Variants in TENM3 observed in about 807,000 individuals in gnomAD.
TENM3 encodes the protein teneurin transmembrane protein 3.
Under a neutral mutation model 255.1 loss-of-function variants are expected in TENM3, and 63 were observed. The observed-to-expected ratio is 0.25, with a 90% CI of 0.20 to 0.30. The LOEUF (loss-of-function observed/expected upper bound fraction) is 0.30, where lower values mean the gene tolerates loss of function less well. Ranked by LOEUF, TENM3 falls within the 10% of genes least tolerant of loss-of-function variation. The pLI is 1.00. For synonymous variants in TENM3, 1,306 were observed against 1,322.3 expected (o/e 0.99, Z 0.27); for missense variants, 2,929 against 3,461.1 (o/e 0.85, Z 3.86).
intron 3 of TENM3, among the ~76,000 whole-genome samples, chr4:182,422,239 G>A (rs1770890483): frequency 6.6e-6 from 1 of 152,076 alleles, no homozygotes; most frequent in Non-Finnish European, 1.5e-5. Context: ...GTAGACTGTA[G>A]TGTTAGAAGT....
the TENM3 span, among the ~76,000 whole-genome samples, chr4:181,795,261 C>T: frequency 6.6e-5 from 10 of 151,778 alleles, no homozygotes; most frequent in African/African-American, 2.4e-4. Context: ...AGCCCAGCAT[C>T]AAGGTGCTGG....
chr4:181,527,516 A>G, the TENM3 span, among the ~76,000 whole-genome samples: 1 of 152,010 alleles, frequency 6.6e-6, no homozygotes, highest in Non-Finnish European at 1.5e-5. Flanking sequence ...TTACAGGCAC[A>G]AGCCACCACG....
intron 2 of TENM3, among the ~76,000 whole-genome samples, chr4:182,332,708 G>GAA (rs112751092): frequency 2.0e-5 from 2 of 100,178 alleles, no homozygotes; most frequent in Non-Finnish European, 2.2e-5. Context: ...AAAGAAAAAA[G>GAA]AAAAAAAAAA....
intron 1 of TENM3, among the ~76,000 whole-genome samples, chr4:182,307,625 A>T (rs1762211874): frequency 6.6e-6 from 1 of 152,244 alleles, no homozygotes; most frequent in Admixed American, 6.5e-5. Context: ...TGAGCTGAAC[A>T]GCAAATTGAA....
At chr4:181,696,507 C>T in the TENM3 span, among the ~76,000 whole-genome samples, 1 of 152,182 alleles carries the variant, frequency 6.6e-6, no homozygotes, top group African/African-American at 2.4e-5. Context: ...TTTAATAGCA[C>T]CGCAGATTTA....
At chr4:181,766,049 C>T in the TENM3 span, among the ~76,000 whole-genome samples, 1 of 152,064 alleles carries the variant, frequency 6.6e-6, no homozygotes, top group African/African-American at 2.4e-5. Context: ...ATAATTCTGA[C>T]GGAAAGGGTG....
chr4:181,724,605 G>A, the TENM3 span, among the ~76,000 whole-genome samples: 1 of 151,912 alleles, frequency 6.6e-6, no homozygotes, highest in Non-Finnish European at 1.5e-5. Context: ...GATTTCCTTT[G>A]CCCACACAGT....
rs187860931 is a variant in TENM3, at chr4:182,510,978, G to C, written c.512-89946G>C. 3.4e-3 allele frequency among the ~76,000 whole-genome samples: 518 copies of C among 152,296 alleles called. 7 individuals are homozygous for C. The highest frequency in any genetic ancestry group is 0.028 in the Admixed American group (432 of 15,300). On this transcript the variant is annotated intron_variant, in intron 3 of 27. Transcript: ENST00000511685. ...GAGATGAGGCATTAGCCAAGAGCAGGCTTGTTACTACTTACTGTCAAACAG... is the reference window on the plus strand; with the variant it reads ...GAGATGAGGCATTAGCCAAGAGCAGCCTTGTTACTACTTACTGTCAAACAG...
chr4:181,844,512 C>CA, the TENM3 span, among the ~76,000 whole-genome samples: 5 of 151,624 alleles, frequency 3.3e-5, no homozygotes, highest in East Asian at 2.0e-4. Flanking sequence ...ACTAAAAATG[C>CA]AAAAAATTAG....
the TENM3 span, among the ~76,000 whole-genome samples, chr4:181,879,370 C>T: frequency 2.6e-5 from 4 of 151,950 alleles, no homozygotes; most frequent in African/African-American, 9.7e-5. Context: ...AAGAAATTAC[C>T]TCCAACCACA....
the TENM3 span, among the ~76,000 whole-genome samples, chr4:181,632,877 G>A: frequency 4.6e-5 from 7 of 152,304 alleles, no homozygotes; most frequent in African/African-American, 1.4e-4. Flanking sequence ...AACAACTTCA[G>A]TAGAATAAAT....
intron 3 of TENM3, among the ~76,000 whole-genome samples, chr4:182,421,168 A>G (rs1350693018): frequency 1.3e-5 from 2 of 152,156 alleles, no homozygotes; most frequent in Non-Finnish European, 2.9e-5. Context: ...GAGCCATTGT[A>G]TCTGTCTTCA....
At chr4:182,535,727 G>A (rs1290280576) in intron 3 of TENM3, among the ~76,000 whole-genome samples, 3 of 150,298 alleles carry the variant, frequency 2.0e-5, no homozygotes, top group Non-Finnish European at 3.0e-5. Flanking sequence ...GTGACAAAGT[G>A]AGACCCTATG....
chr4:181,698,593 G>A, the TENM3 span, among the ~76,000 whole-genome samples: 1 of 152,116 alleles, frequency 6.6e-6, no homozygotes, highest in African/African-American at 2.4e-5. Context: ...TACACTGAAA[G>A]GTGGTATGGA....
the TENM3 span, among the ~76,000 whole-genome samples, chr4:181,781,103 G>A: frequency 7.9e-5 from 12 of 152,180 alleles, no homozygotes; most frequent in East Asian, 1.9e-4. Flanking sequence ...TTGGCAATGC[G>A]GGCTCTTTTT....
At chr4:182,679,637 C>T in intron 7 of TENM3, 29 bp from the exon 8 acceptor site, 2 of 1,560,796 alleles carry the variant, frequency 1.3e-6, no homozygotes, top group Non-Finnish European at 1.8e-6. Flanking sequence ...CTTTATCTTT[C>T]TGACTATTTT....
At chr4:181,735,087 A>AT in the TENM3 span, among the ~76,000 whole-genome samples, 2 of 152,024 alleles carry the variant, frequency 1.3e-5, no homozygotes, top group African/African-American at 4.8e-5. Context: ...GTATGTAAAA[A>AT]ATATATATTA....
chr4:182,132,597 A>G, the TENM3 span, among the ~76,000 whole-genome samples: 1 of 152,244 alleles, frequency 6.6e-6, no homozygotes, highest in Non-Finnish European at 1.5e-5. Flanking sequence ...AGTTTTGTCA[A>G]GTTCAATTTT....
intron 3 of TENM3, among the ~76,000 whole-genome samples, chr4:182,447,583 A>T (rs1773033831): frequency 6.6e-6 from 1 of 152,254 alleles, no homozygotes; most frequent in Admixed American, 6.5e-5. Context: ...GCAGTCTGCT[A>T]ATCTTACTGA....
Sources: allele counts gnomAD v4.1 joint callset (sites outside exome capture counted in the v4.1 genomes callset), GRCh38; gene constraint gnomAD v4.1.1; transcripts MANE v1.5; gene names NCBI Gene and HGNC (gene_info 2026-07-23, HGNC 2026-07-21).